Variants in EPB41L4B observed in about 807,000 individuals in gnomAD.
EPB41L4B encodes erythrocyte membrane protein band 4.1 like 4B.
In EPB41L4B, 30 loss-of-function variants were observed where a neutral mutation model predicts 112.5. The observed-to-expected ratio is 0.27, with a 90% CI of 0.20 to 0.36. EPB41L4B has a LOEUF of 0.36. Ranked by LOEUF, EPB41L4B falls within the 10% of genes least tolerant of loss-of-function variation. EPB41L4B has a pLI of 1.00. For missense variants in EPB41L4B, 1,024 were observed against 1,133.3 expected (o/e 0.90, Z 1.38); for synonymous variants, 408 against 439.7 (o/e 0.93, Z 0.90).
At chr9:109,319,362 C>A (rs890833464) in intron 1 of EPB41L4B, among the ~76,000 whole-genome samples, 1 of 152,150 alleles carries the variant, frequency 6.6e-6, no homozygotes, top group Non-Finnish European at 1.5e-5. Context: ...GCCGACCCCA[C>A]GCACGGTGCC....
chr9:109,244,174 T>G (rs562762997), intron 14 of EPB41L4B, among the ~76,000 whole-genome samples: 1 of 152,214 alleles, frequency 6.6e-6, no homozygotes, highest in South Asian at 2.1e-4. Flanking sequence ...AGCAGGGCCG[T>G]GGGTGAAGGT....
chr9:109,210,530 G>C (rs1388166200), intron 17 of EPB41L4B, among the ~76,000 whole-genome samples: 3 of 152,186 alleles, frequency 2.0e-5, no homozygotes, highest in African/African-American at 7.2e-5. Flanking sequence ...AGAACGAAAA[G>C]TTAGCACTGA....
intron 1 of EPB41L4B, among the ~76,000 whole-genome samples, chr9:109,289,414 T>G (rs1836440437): frequency 6.6e-6 from 1 of 152,232 alleles, no homozygotes; most frequent in Admixed American, 6.5e-5. Context: ...GTAACACTCT[T>G]CATTATTCAG....
chr9:109,291,104 G>A (rs1315645122), intron 1 of EPB41L4B, among the ~76,000 whole-genome samples: 5 of 152,034 alleles, frequency 3.3e-5, no homozygotes, highest in Non-Finnish European at 1.5e-5. Context: ...ACCCCATTTC[G>A]CAGATGAGAC....
At chr9:109,244,845 A>G (rs1300770128) in intron 14 of EPB41L4B, among the ~76,000 whole-genome samples, 1 of 151,952 alleles carries the variant, frequency 6.6e-6, no homozygotes, top group Non-Finnish European at 1.5e-5. Flanking sequence ...TCTTTTAATT[A>G]TTTCTTCCCC....
chr9:109,273,026 G>C (rs1181257971), intron 2 of EPB41L4B, among the ~76,000 whole-genome samples: 1 of 151,972 alleles, frequency 6.6e-6, no homozygotes, highest in Non-Finnish European at 1.5e-5. Flanking sequence ...CTCTGCCTGT[G>C]GGGGGATCTT....
At chr9:109,197,501 T>C (rs1257636409) in intron 20 of EPB41L4B, among the ~76,000 whole-genome samples, 18 of 152,166 alleles carry the variant, frequency 1.2e-4, no homozygotes, top group Admixed American at 1.2e-3. Flanking sequence ...GAACTCTTTA[T>C]GGGACAATAA....
At chr9:109,289,321 C>T (rs974876095) in intron 1 of EPB41L4B, among the ~76,000 whole-genome samples, 3 of 152,210 alleles carry the variant, frequency 2.0e-5, no homozygotes, top group Admixed American at 2.0e-4. Context: ...GGCTCGTGTC[C>T]TTCCTTTGCC....
At chr9:109,227,940 T>G (rs1833839771) in intron 15 of EPB41L4B, among the ~76,000 whole-genome samples, 1 of 152,220 alleles carries the variant, frequency 6.6e-6, no homozygotes. Context: ...TTAGGATATT[T>G]CTGCCTCTGA....
chr9:109,279,994 C>T (rs1034600963), intron 1 of EPB41L4B, 73 bp from the exon 2 acceptor site: 3 of 1,154,670 alleles, frequency 2.6e-6, no homozygotes, highest in Non-Finnish European at 3.7e-6. Flanking sequence ...TTAAAAAAAA[C>T]CTACTTCTCT....
At chr9:109,286,453 G>A (rs1331122815) in intron 1 of EPB41L4B, among the ~76,000 whole-genome samples, 3 of 152,158 alleles carry the variant, frequency 2.0e-5, no homozygotes, top group African/African-American at 7.2e-5. Flanking sequence ...CACTGCCAAA[G>A]CTGTTTACCT....
chr9:109,268,158 C>CAAA (rs1835474602), intron 3 of EPB41L4B, among the ~76,000 whole-genome samples: 1 of 152,200 alleles, frequency 6.6e-6, no homozygotes, highest in Non-Finnish European at 1.5e-5. Context: ...GCAGAGGCGT[C>CAAA]TGATTTCAAA....
rs1837712516 is a variant in EPB41L4B, at chr9:109,318,332, TC to T, written c.306+1808del. 2.6e-5 allele frequency among the ~76,000 whole-genome samples: 4 copies of T among 152,154 alleles called. No homozygotes were observed. The South Asian group carries it at 8.3e-4, about 32-fold the overall frequency. On this transcript the variant is annotated intron_variant, in intron 1 of 25. Transcript: ENST00000374566. The stretch of plus-strand genomic sequence containing the variant: ...ACCTTTTAGGATGCAAATATCCCCT[TC>T]CCCCACCAGGCTCCAGTGAGGGCTA...
chr9:109,320,527 G>T lies in EPB41L4B; in HGVS notation c.-81C>A, dbSNP rs1344726662. 9.8e-6 allele frequency: 8 copies of T among 815,610 alleles called. No individual in the cohort carries two copies. The South Asian group carries it at 2.8e-4, about 28-fold the overall frequency. 50.5% of individuals were successfully genotyped at this position (815,610 alleles called of 1,614,324 possible). A position where few individuals can be genotyped will look rare whatever the true frequency, so the allele number is the denominator to read the frequency against. On this transcript the variant is annotated 5_prime_UTR_variant, in exon 1 of 26. Coordinates refer to ENST00000374566, the MANE Select transcript of EPB41L4B (RefSeq NM_019114.5). ...TGCCGCTGCGCCGCCGCCCGGGAGCGTCCCGCGACGCCGTCAGTGCCCTCG... is the reference window on the plus strand; with the variant it reads ...TGCCGCTGCGCCGCCGCCCGGGAGCTTCCCGCGACGCCGTCAGTGCCCTCG...
chr9:109,211,904 T>TGGGGG (rs10683465), intron 17 of EPB41L4B, among the ~76,000 whole-genome samples: 260 of 148,512 alleles, frequency 1.8e-3, no homozygotes, highest in Non-Finnish European at 3.3e-3. Flanking sequence ...ATAGTAGAGA[T>TGGGGG]GGGGGGGGTC....
intron 17 of EPB41L4B, among the ~76,000 whole-genome samples, chr9:109,212,102 T>A (rs1377572878): frequency 6.6e-6 from 1 of 152,170 alleles, no homozygotes; most frequent in East Asian, 1.9e-4. Flanking sequence ...GTGTCTCAGG[T>A]AGGCCTTCAC....
rs1022887662 is a variant in EPB41L4B at position 109,223,262 on chromosome 9, C to T, written c.1410-6117G>A. Among the ~76,000 whole-genome samples, 4 of 151,908 alleles carry T rather than the reference C, an allele frequency of 2.6e-5. No homozygotes were observed. In the South Asian group the frequency reaches 8.3e-4, roughly 32 times the overall value. ...CGAGACCGGGCAACATGGGGTGATC[C>T]CATTTCCACAACAACAACAAAAAAT... On this transcript the variant is annotated intron_variant, in intron 15 of 25. Coordinates refer to ENST00000374566, the MANE Select transcript of EPB41L4B (RefSeq NM_019114.5).
At chr9:109,308,000 C>T (rs994904482) in intron 1 of EPB41L4B, among the ~76,000 whole-genome samples, 4 of 152,164 alleles carry the variant, frequency 2.6e-5, no homozygotes, top group Non-Finnish European at 4.4e-5. Flanking sequence ...AAAGGCCTTT[C>T]GCCGCCTCCA....
At chr9:109,226,463 T>C (rs898607019) in intron 15 of EPB41L4B, among the ~76,000 whole-genome samples, 1 of 151,940 alleles carries the variant, frequency 6.6e-6, no homozygotes, top group African/African-American at 2.4e-5. Context: ...GTTACCTCAC[T>C]GTCCAATTAA....
Sources: allele counts gnomAD v4.1 joint callset (sites outside exome capture counted in the v4.1 genomes callset), GRCh38; gene constraint gnomAD v4.1.1; transcripts MANE v1.5; gene names NCBI Gene and HGNC (gene_info 2026-07-23, HGNC 2026-07-21).